SASH1: variants seen among roughly 807,000 people sequenced by gnomAD.
The protein encoded by SASH1 is SAM and SH3 domain containing 1.
In SASH1, 44 loss-of-function variants were observed where a neutral mutation model predicts 125.2. The observed-to-expected ratio is 0.35, with a 90% CI of 0.28 to 0.45. The LOEUF (loss-of-function observed/expected upper bound fraction) is 0.45. Ranked by LOEUF, SASH1 falls within the 20% of genes least tolerant of loss-of-function variation. SASH1 has a pLI of 1.00. For synonymous variants in SASH1, 639 were observed against 649.1 expected, an observed-to-expected ratio of 0.98 and a Z score of 0.24; for missense variants, 1,426 against 1,614.5, an observed-to-expected ratio of 0.88 and a Z score of 2.00.
chr6:148,293,351 G>A (rs1457623789), intron 1 of SASH1, among the ~76,000 whole-genome samples: 2 of 152,194 alleles, frequency 1.3e-5, no homozygotes, highest in Non-Finnish European at 2.9e-5. Context: ...AGACATCTCC[G>A]ATTGGTTTGC....
At chr6:148,498,870 C>T (rs934045224) in intron 8 of SASH1, among the ~76,000 whole-genome samples, 6 of 152,034 alleles carry the variant, frequency 3.9e-5, no homozygotes, top group African/African-American at 1.4e-4. Context: ...TTTGCCCTAG[C>T]GCCGGTCCTT....
Position 148,343,242 on chromosome 6 carries a change from G to T in SASH1, c.156+19G>T. 1 of 1,576,986 alleles carries T rather than the reference G, an allele frequency of 6.3e-7. No individual in the cohort carries two copies. ...TATCCTGGTAAGTTACCTGGGGAGG[G>T]GGCGGCGCAGGAAGTACAGTTCGCA... On this transcript the variant is annotated intron_variant, in intron 1 of 19. Coordinates refer to ENST00000367467, the MANE Select transcript of SASH1 (RefSeq NM_015278.5).
chr6:148,272,998 G>T (rs547749488), intron 1 of SASH1, among the ~76,000 whole-genome samples: 5 of 152,208 alleles, frequency 3.3e-5, no homozygotes, highest in African/African-American at 1.2e-4. Context: ...GGGGGCTCAT[G>T]CCTATAATCC....
At chr6:148,284,890 G>C (rs2128506838) in intron 1 of SASH1, among the ~76,000 whole-genome samples, 1 of 152,268 alleles carries the variant, frequency 6.6e-6, no homozygotes, top group South Asian at 2.1e-4. Flanking sequence ...CTTGGCCAAA[G>C]GGTATGAACG....
chr6:148,368,378 C>G (rs922837549), intron 1 of SASH1, among the ~76,000 whole-genome samples: 1 of 152,194 alleles, frequency 6.6e-6, no homozygotes, highest in African/African-American at 2.4e-5. Context: ...TCAAGTGATT[C>G]TCCTGCCTCA....
intron 8 of SASH1, among the ~76,000 whole-genome samples, chr6:148,491,410 T>C (rs1355309864): frequency 2.0e-5 from 3 of 152,136 alleles, no homozygotes; most frequent in Non-Finnish European, 4.4e-5. Flanking sequence ...GCTGGGATTA[T>C]AGGCATGCGC....
At chr6:148,281,063 C>T (rs1046448996) in intron 1 of SASH1, among the ~76,000 whole-genome samples, 1 of 151,454 alleles carries the variant, frequency 6.6e-6, no homozygotes, top group African/African-American at 2.4e-5. Flanking sequence ...CTGCCTCAGC[C>T]TCCCAAGTAG....
intron 7 of SASH1, among the ~76,000 whole-genome samples, chr6:148,484,926 G>C (rs6902779): frequency 6.6e-6 from 1 of 152,154 alleles, no homozygotes; most frequent in Non-Finnish European, 1.5e-5. Context: ...CTGGACAACA[G>C]AGCGAGACCC....
the SASH1 span, among the ~76,000 whole-genome samples, chr6:148,245,884 G>C: frequency 2.0e-5 from 3 of 151,892 alleles, no homozygotes; most frequent in South Asian, 6.2e-4. Context: ...AGCTACTCGG[G>C]AGGCTGAGGC....
chr6:148,289,328 G>A (rs987086800), intron 1 of SASH1, among the ~76,000 whole-genome samples: 2 of 152,180 alleles, frequency 1.3e-5, no homozygotes, highest in Non-Finnish European at 2.9e-5. Flanking sequence ...TGGTACACTT[G>A]GTGCCAACAC....
At chr6:148,302,311 C>CAAAAAAAAAAAAAAAAA (rs1174644909) in intron 1 of SASH1, among the ~76,000 whole-genome samples, 2 of 44,872 alleles carry the variant, frequency 4.5e-5, no homozygotes, top group Non-Finnish European at 7.6e-5. Flanking sequence ...GACTCCGTCT[C>CAAAAAAAAAAAAAAAAA]AAAAAAAAAA....
intron 2 of SASH1, among the ~76,000 whole-genome samples, chr6:148,399,983 C>T (rs1463760884): frequency 1.3e-5 from 2 of 152,110 alleles, no homozygotes; most frequent in Non-Finnish European, 2.9e-5. Context: ...TGGAAGATTA[C>T]AGTATAATTT....
the SASH1 span, among the ~76,000 whole-genome samples, chr6:148,194,823 G>T: frequency 0.054 from 8,148 of 152,266 alleles, 264 homozygotes; most frequent in Middle Eastern, 0.1. Flanking sequence ...GGAAAATGGC[G>T]TGAACCTAGG....
chr6:148,483,585 AG>A (rs1206334644), intron 7 of SASH1, among the ~76,000 whole-genome samples: 2 of 152,150 alleles, frequency 1.3e-5, no homozygotes, highest in East Asian at 3.9e-4. Context: ...CTGATTCCAA[AG>A]GGAGTGGGGA....
chr6:148,535,468 T>C (rs903981425), intron 16 of SASH1, among the ~76,000 whole-genome samples: 1 of 152,214 alleles, frequency 6.6e-6, no homozygotes, highest in Non-Finnish European at 1.5e-5. Flanking sequence ...GTGTTCTTAT[T>C]GAATAGACTG....
chr6:148,381,702 C>T (rs575023064), intron 1 of SASH1, among the ~76,000 whole-genome samples: 2 of 132,198 alleles, frequency 1.5e-5, no homozygotes, highest in South Asian at 5.2e-4. Context: ...AATCTTGGCT[C>T]ACTGCAGCCT....
intron 1 of SASH1, among the ~76,000 whole-genome samples, chr6:148,313,495 A>G (rs1562319689): frequency 6.6e-6 from 1 of 152,200 alleles, no homozygotes; most frequent in East Asian, 1.9e-4. Flanking sequence ...AACTATTCAA[A>G]AAGATTTCTG....
At chr6:148,280,680 T>A (rs1013598367) in intron 1 of SASH1, among the ~76,000 whole-genome samples, 1 of 152,058 alleles carries the variant, frequency 6.6e-6, no homozygotes, top group Non-Finnish European at 1.5e-5. Context: ...TGGTTGCACA[T>A]GCCTATAGTC....
intron 1 of SASH1, among the ~76,000 whole-genome samples, chr6:148,309,186 T>G (rs1780231701): frequency 6.6e-6 from 1 of 151,586 alleles, no homozygotes; most frequent in South Asian, 2.1e-4. Context: ...GAGTACAGAA[T>G]ATTCGGTGAG....
Sources: allele counts gnomAD v4.1 joint callset (sites outside exome capture counted in the v4.1 genomes callset), GRCh38; gene constraint gnomAD v4.1.1; transcripts MANE v1.5; gene names NCBI Gene and HGNC (gene_info 2026-07-23, HGNC 2026-07-21).